The following RHBDL3 variants were observed in gnomAD, a reference collection of about 807,000 sequenced individuals.
RHBDL3 encodes rhomboid like 3.
Under a neutral mutation model 48.2 loss-of-function variants are expected in RHBDL3, and 28 were observed. That is an observed-to-expected ratio of 0.58 (90% CI 0.43 to 0.80). The LOEUF is 0.80. Ranked by LOEUF, RHBDL3 falls within the 30% of genes least tolerant of loss-of-function variation. The pLI is 0.00. For missense variants in RHBDL3, 464 were observed against 542.7 expected, an observed-to-expected ratio of 0.85 and a Z score of 1.44; for synonymous variants, 208 against 232.3, an observed-to-expected ratio of 0.90 and a Z score of 0.95.
At chr17:32,267,855 C>T (rs1429010399) in intron 1 of RHBDL3, 47 bp from the exon 2 acceptor site, 2 of 1,613,508 alleles carry the variant, frequency 1.2e-6, no homozygotes, top group Non-Finnish European at 1.7e-6. Flanking sequence ...GTGTGTCTTT[C>T]TTTCTCTCCT....
Position 32,267,928 on chromosome 17 carries a change from A to G in RHBDL3, c.135+3A>G. The G allele has an allele frequency of 1.2e-6, 2 of 1,607,538 alleles. No homozygotes were observed. The highest frequency in any genetic ancestry group is 1.7e-6 in the Non-Finnish European group (2 of 1,174,110). ...ACTGGAAAGTCCTGTTTGATCAGGTATGTGAGCAGTTAACCCCCCATTTCC... is the reference window on the plus strand; with the variant it reads ...ACTGGAAAGTCCTGTTTGATCAGGTGTGTGAGCAGTTAACCCCCCATTTCC... On this transcript the variant is annotated splice_donor_region_variant and intron_variant, in intron 2 of 8. Coordinates refer to ENST00000269051, the MANE Select transcript of RHBDL3 (RefSeq NM_138328.3).
In RHBDL3 at chr17:32,321,696, C is replaced by A; in HGVS notation, c.*467C>A. The A allele has an allele frequency of 3.6e-6, 1 of 274,560 alleles. No homozygotes were observed. Among genetic ancestry groups the A allele is most frequent in the Non-Finnish European group, 7.2e-6 (1 of 139,320 alleles). The allele number at this position is 274,560 out of a possible 1,614,324, so 17.0% of individuals were successfully genotyped here. On this transcript the variant is annotated 3_prime_UTR_variant, in exon 9 of 9. Transcript: ENST00000269051. The stretch of plus-strand genomic sequence containing the variant: ...ATAATTGCAGGCCATGTGGTGTCTC[C>A]TTGACACCTGCTGTGTCTGGGGCTC...
At chr17:32,305,769 T>G (rs920169984) in intron 7 of RHBDL3, among the ~76,000 whole-genome samples, 1 of 151,100 alleles carries the variant, frequency 6.6e-6, no homozygotes, top group African/African-American at 2.5e-5. Flanking sequence ...ATACAAAAAA[T>G]TAGCCAGGCG....
At chr17:32,317,979 T>G (rs7221729) in intron 8 of RHBDL3, among the ~76,000 whole-genome samples, 12 of 145,482 alleles carry the variant, frequency 8.2e-5, no homozygotes, top group African/African-American at 2.8e-4. Context: ...GAGGCCAAGG[T>G]GGGAGGATCG....
At chr17:32,266,331 T>C (rs902442870) in intron 1 of RHBDL3, 31 bp downstream of exon 1, 161 of 1,239,334 alleles carry the variant, frequency 1.3e-4, no homozygotes, top group Non-Finnish European at 1.6e-4. Context: ...CGGCAAACTT[T>C]CTAGGGGGCG....
At chr17:32,270,007 G>A (rs764208315) in intron 2 of RHBDL3, among the ~76,000 whole-genome samples, 10 of 151,916 alleles carry the variant, frequency 6.6e-5, no homozygotes, top group Middle Eastern at 3.4e-3. Flanking sequence ...CCTGCTTCTG[G>A]GAGGCCTGCC....
chr17:32,298,132 G>C lies in RHBDL3; in HGVS notation c.709G>C (p.Val237Leu). 6.2e-7 allele frequency: 1 copy of C among 1,614,112 alleles called. No homozygotes were observed. Among genetic ancestry groups the C allele is most frequent in the Non-Finnish European group, 8.5e-7 (1 of 1,179,944 alleles). The change falls in exon 6 of 9, where the codon GTG becomes CTG. Residue 237 changes from valine (V) to leucine (L), a missense_variant. Val to Leu is a conservative substitution (Grantham distance 32). Transcript: ENST00000269051. The stretch of plus-strand genomic sequence containing the variant: ...ACTCAATGTGGTGCTGCAGCTGCTG[G>C]TGGGGGTGCCCCTGGAGATGGTGCA... ...LGLNVVLQLL[V>L]GVPLEMVHGA... is the part of the protein sequence containing the mutation.
intron 3 of RHBDL3, among the ~76,000 whole-genome samples, chr17:32,285,103 G>A (rs1407849604): frequency 6.8e-6 from 1 of 146,704 alleles, no homozygotes; most frequent in East Asian, 2.2e-4. Context: ...CCCTCAGGCT[G>A]CACCTTGCAG....
In RHBDL3 at chr17:32,267,945, C is replaced by T. The variant is rs1047848671; in HGVS notation, c.135+20C>T. On this transcript the variant is annotated intron_variant, in intron 2 of 8. Transcript: ENST00000269051. ...GATCAGGTATGTGAGCAGTTAACCCCCCATTTCCTTCCAGCCCTCCCTGAA... is the reference window on the plus strand; with the variant it reads ...GATCAGGTATGTGAGCAGTTAACCCTCCATTTCCTTCCAGCCCTCCCTGAA... 6.3e-7 allele frequency: 1 copy of T among 1,578,920 alleles called. No individual in the cohort carries two copies. The highest frequency in any genetic ancestry group is 1.3e-5 in the African/African-American group (1 of 74,226).
At chr17:32,293,771 C>G (rs2040387371) in intron 4 of RHBDL3, among the ~76,000 whole-genome samples, 1 of 151,018 alleles carries the variant, frequency 6.6e-6, no homozygotes, top group Admixed American at 6.6e-5. Flanking sequence ...CAAAGAGACC[C>G]CAGGACCATG....
rs533469896 is a variant in RHBDL3 at position 32,320,601 on chromosome 17, G to A, written c.944-357G>A. Among the ~76,000 whole-genome samples the A allele has an allele frequency of 2.0e-4, 30 of 152,338 alleles. No homozygotes were observed. In the South Asian group the frequency reaches 6.2e-3, roughly 32 times the overall value. ...GGCCTCCCAAAGTGCTGAGATTACA[G>A]GTGTGAGCCGCCGCACCCGGCCAAA... On this transcript the variant is annotated intron_variant, in intron 8 of 8. Transcript: ENST00000269051.
chr17:32,306,445 A>T (rs1384037317), intron 7 of RHBDL3, among the ~76,000 whole-genome samples: 1 of 152,068 alleles, frequency 6.6e-6, no homozygotes, highest in Non-Finnish European at 1.5e-5. Context: ...TTGTTCCCCT[A>T]TCCCAGTCTG....
chr17:32,310,298 T>C (rs1446142004), intron 7 of RHBDL3, among the ~76,000 whole-genome samples: 1 of 152,154 alleles, frequency 6.6e-6, no homozygotes, highest in Non-Finnish European at 1.5e-5. Flanking sequence ...GTTTACTTTA[T>C]TGGCCGGGCG....
At chr17:32,270,213 T>C (rs1188768355) in intron 2 of RHBDL3, among the ~76,000 whole-genome samples, 2 of 145,048 alleles carry the variant, frequency 1.4e-5, no homozygotes, top group East Asian at 4.5e-4. Context: ...ATGACACCTC[T>C]CAGAGTCCCT....
intron 7 of RHBDL3, among the ~76,000 whole-genome samples, chr17:32,307,921 G>A (rs181970432): frequency 6.6e-6 from 1 of 152,172 alleles, no homozygotes; most frequent in East Asian, 1.9e-4. Flanking sequence ...ACTTGTATGT[G>A]TGTAGGGGTG....
intron 2 of RHBDL3, among the ~76,000 whole-genome samples, chr17:32,276,438 CG>C (rs1470897260): frequency 6.6e-6 from 1 of 152,142 alleles, no homozygotes; most frequent in Non-Finnish European, 1.5e-5. Context: ...ACCTAATTTA[CG>C]GGGCTGTAAA....
chr17:32,300,880 C>CT (rs576118492), intron 6 of RHBDL3, among the ~76,000 whole-genome samples: 21,142 of 145,312 alleles, frequency 0.15, 2,309 homozygotes, highest in African/African-American at 0.31. Context: ...TGCTTCTTTC[C>CT]TTTTTTTTTT....
At chr17:32,268,356 A>G (rs1216534962) in intron 2 of RHBDL3, among the ~76,000 whole-genome samples, 1 of 152,048 alleles carries the variant, frequency 6.6e-6, no homozygotes, top group Non-Finnish European at 1.5e-5. Context: ...TTGGGGGCTG[A>G]CTCACAGTAT....
chr17:32,296,243 A>C (rs1256175009), intron 5 of RHBDL3, among the ~76,000 whole-genome samples: 1 of 31,574 alleles, frequency 3.2e-5, no homozygotes. Context: ...ACTCCATCTC[A>C]AAAAAAAAAA....
Sources: allele counts gnomAD v4.1 joint callset (sites outside exome capture counted in the v4.1 genomes callset), GRCh38; gene constraint gnomAD v4.1.1; transcripts MANE v1.5; gene names NCBI Gene and HGNC (gene_info 2026-07-23, HGNC 2026-07-21).